The following LOC122539214 variants were observed in gnomAD, a reference collection of about 807,000 sequenced individuals.
chr19:52,676,250 C>G, the LOC122539214 span, among the ~76,000 whole-genome samples: 1 of 152,170 alleles, frequency 6.6e-6, no homozygotes. Flanking sequence ...CCCGAGGTGC[C>G]GGGATTGCAG....
the LOC122539214 span, chr19:52,674,259 C>T: frequency 6.6e-6 from 1 of 152,080 alleles, no homozygotes; most frequent in Non-Finnish European, 1.5e-5. Flanking sequence ...AAACCCTAAA[C>T]AAAATAAAGA....
chr19:52,671,207 C>T, the LOC122539214 span, among the ~76,000 whole-genome samples: 2 of 152,114 alleles, frequency 1.3e-5, no homozygotes, highest in Non-Finnish European at 2.9e-5. Context: ...GTTTGTAAGG[C>T]ATGACCCCCT....
chr19:52,671,123 C>G, the LOC122539214 span, among the ~76,000 whole-genome samples: 1 of 152,066 alleles, frequency 6.6e-6, no homozygotes. Context: ...TTTGAAGGAC[C>G]ATTTCAAAAT....
At chr19:52,690,056 G>A in the LOC122539214 span, among the ~76,000 whole-genome samples, 6 of 152,320 alleles carry the variant, frequency 3.9e-5, no homozygotes, top group Admixed American at 1.3e-4. Flanking sequence ...CCCCGGGACA[G>A]GGGCCGCGGC....
the LOC122539214 span, among the ~76,000 whole-genome samples, chr19:52,671,135 T>C: frequency 1.3e-4 from 20 of 152,318 alleles, no homozygotes; most frequent in Middle Eastern, 3.4e-3. Context: ...TTTCAAAATA[T>C]GGCACAGAAA....
the LOC122539214 span, among the ~76,000 whole-genome samples, chr19:52,680,985 A>G: frequency 1.3e-5 from 2 of 151,912 alleles, no homozygotes; most frequent in South Asian, 4.2e-4. Flanking sequence ...AAAATATACA[A>G]ATAAAAAGGA....
the LOC122539214 span, among the ~76,000 whole-genome samples, chr19:52,677,986 G>C: frequency 6.6e-6 from 1 of 151,904 alleles, no homozygotes; most frequent in Non-Finnish European, 1.5e-5. Flanking sequence ...AGTGAGCCAA[G>C]ATTGCACCAC....
At chr19:52,680,798 G>T in the LOC122539214 span, among the ~76,000 whole-genome samples, 1 of 148,096 alleles carries the variant, frequency 6.8e-6, no homozygotes, top group Admixed American at 6.7e-5. Context: ...ATTTTTAGTA[G>T]AGACGGGGTT....
chr19:52,687,643 A>ATATTGTG, the LOC122539214 span, among the ~76,000 whole-genome samples: 1 of 36,572 alleles, frequency 2.7e-5, no homozygotes, highest in Non-Finnish European at 4.4e-5. Context: ...GTATATATAT[A>ATATTGTG]TATATATATA....
At chr19:52,667,489 C>A in the LOC122539214 span, among the ~76,000 whole-genome samples, 3 of 152,042 alleles carry the variant, frequency 2.0e-5, no homozygotes, top group African/African-American at 7.2e-5. Flanking sequence ...AGTTTATGTG[C>A]AAGTTGTGTA....
the LOC122539214 span, among the ~76,000 whole-genome samples, chr19:52,678,253 C>A: frequency 6.6e-6 from 1 of 151,534 alleles, no homozygotes; most frequent in Non-Finnish European, 1.5e-5. Context: ...TAGTTCAAGA[C>A]CAGACTGGCC....
the LOC122539214 span, among the ~76,000 whole-genome samples, chr19:52,679,298 G>A: frequency 0.83 from 125,993 of 152,194 alleles, 52,805 homozygotes; most frequent in African/African-American, 0.96. Context: ...ACTGAGAGAA[G>A]CTTCTATGAT....
the LOC122539214 span, among the ~76,000 whole-genome samples, chr19:52,656,891 G>A: frequency 6.9e-6 from 1 of 145,674 alleles, no homozygotes; most frequent in African/African-American, 2.6e-5. Context: ...AAAAAATCAT[G>A]GGCTTCTCCA....
At chr19:52,667,880 A>C in the LOC122539214 span, among the ~76,000 whole-genome samples, 1 of 152,362 alleles carries the variant, frequency 6.6e-6, no homozygotes, top group Admixed American at 6.5e-5. Context: ...TATAAAGGTG[A>C]AATGTAGCTT....
chr19:52,681,998 C>T, the LOC122539214 span, among the ~76,000 whole-genome samples: 171 of 152,254 alleles, frequency 1.1e-3, 1 homozygote, highest in Non-Finnish European at 7.4e-5. Context: ...CAGGCACCTG[C>T]CACCACACCC....
chr19:52,674,152 T>C, the LOC122539214 span: 1 of 151,888 alleles, frequency 6.6e-6, no homozygotes, highest in Admixed American at 6.6e-5. Flanking sequence ...TCAAATGAAC[T>C]CTTGGGCCTT....
At chr19:52,653,986 T>C in the LOC122539214 span, 8 of 1,429,696 alleles carry the variant, frequency 5.6e-6, no homozygotes, top group African/African-American at 1.4e-5. Context: ...ATTAGAAATA[T>C]GGGTTTTGAG....
At chr19:52,683,117 G>A in the LOC122539214 span, among the ~76,000 whole-genome samples, 5 of 152,208 alleles carry the variant, frequency 3.3e-5, no homozygotes, top group East Asian at 7.7e-4. Context: ...TGATCCACCC[G>A]CCTTGGCCTC....
the LOC122539214 span, among the ~76,000 whole-genome samples, chr19:52,662,582 A>C: frequency 6.6e-6 from 1 of 152,046 alleles, no homozygotes. Context: ...TTTTTGGAGA[A>C]CAGTAACTTA....
Sources: allele counts gnomAD v4.1 joint callset (sites outside exome capture counted in the v4.1 genomes callset), GRCh38; gene constraint gnomAD v4.1.1; transcripts MANE v1.5.